ARHGEF28: variants seen among roughly 807,000 people sequenced by gnomAD.
The protein encoded by ARHGEF28 is Rho guanine nucleotide exchange factor 28.
A neutral mutation model predicts 206.6 loss-of-function variants in ARHGEF28; 152 were observed. That is an observed-to-expected ratio of 0.74 (90% confidence interval 0.64 to 0.84). The LOEUF is 0.84. Among genes scored for constraint, ARHGEF28 ranks in the 40% least tolerant of loss-of-function variants. The pLI is 0.00. For synonymous variants in ARHGEF28, 763 were observed against 776.4 expected (o/e 0.98, Z 0.29); for missense variants, 2,028 against 2,073.2 (o/e 0.98, Z 0.42).
At chr5:73,797,842 G>T (rs968090519) in intron 9 of ARHGEF28, among the ~76,000 whole-genome samples, 7 of 152,220 alleles carry the variant, frequency 4.6e-5, no homozygotes, top group Non-Finnish European at 5.9e-5. Context: ...GGCCTCATCA[G>T]TGACACAAGT....
In ARHGEF28 at chr5:73,690,525, C is replaced by CAAAAAAAAAA. The variant is rs71615796; in HGVS notation, c.33+5658_33+5667dup. 8.6e-5 allele frequency among the ~76,000 whole-genome samples: 2 copies of CAAAAAAAAAA among 23,356 alleles called. 1 individual carries two copies. The highest frequency in any genetic ancestry group is 1.9e-4 in the African/African-American group (2 of 10,378). The allele number at this position is 23,356 out of a possible 152,430, so 15.3% of individuals were successfully genotyped here. A position where few individuals can be genotyped will look rare whatever the true frequency, so the allele number is the denominator to read the frequency against. On this transcript the variant is annotated intron_variant, in intron 2 of 35. Transcript: ENST00000513042. ...TCAACATTGTAAGACTCTGTCTTTA[C>CAAAAAAAAAA]AAAAAAAAAAAAAAAAAAAAAAAAA...
intron 2 of ARHGEF28, among the ~76,000 whole-genome samples, chr5:73,705,717 G>A (rs1748888525): frequency 6.6e-6 from 1 of 152,156 alleles, no homozygotes; most frequent in South Asian, 2.1e-4. Context: ...ACTTGCTGTG[G>A]GCTAAGGGAA....
At chr5:73,888,472 A>T (rs1023103615) in intron 26 of ARHGEF28, among the ~76,000 whole-genome samples, 31 of 152,320 alleles carry the variant, frequency 2.0e-4, no homozygotes, top group African/African-American at 7.5e-4. Flanking sequence ...CCTGAGAAAT[A>T]AGTGGGAAGG....
At chr5:73,904,498 G>A in intron 33 of ARHGEF28, 93 bp downstream of exon 33, 1 of 1,301,794 alleles carries the variant, frequency 7.7e-7, no homozygotes, top group African/African-American at 1.5e-5. Context: ...GAGAACAAGT[G>A]AGAGGTAGGG....
In ARHGEF28 at chr5:73,795,327, C is replaced by T; in HGVS notation, c.964-4C>T. Reference sequence around the variant, plus strand: ...AAAAATCCACCTGACTTTATCTCTTCCAGCGTGTCAAAAGCCTGGTGGTTC... The same window carrying T: ...AAAAATCCACCTGACTTTATCTCTTTCAGCGTGTCAAAAGCCTGGTGGTTC... On this transcript the variant is annotated splice_polypyrimidine_tract_variant and splice_region_variant and intron_variant, in intron 8 of 35. Coordinates refer to ENST00000513042, the MANE Select transcript of ARHGEF28 (RefSeq NM_001177693.2). 2 of 1,613,526 alleles carry T rather than the reference C, an allele frequency of 1.2e-6. No homozygotes were observed. Among genetic ancestry groups the T allele is most frequent in the Non-Finnish European group, 1.7e-6 (2 of 1,179,648 alleles).
chr5:73,629,919 G>C (rs1329264227), intron 1 of ARHGEF28, among the ~76,000 whole-genome samples: 1 of 152,202 alleles, frequency 6.6e-6, no homozygotes, highest in Non-Finnish European at 1.5e-5. Context: ...CTTAAGAGCA[G>C]ATGAAAATGT....
At chr5:73,868,533 A>G (rs908808304) in intron 20 of ARHGEF28, among the ~76,000 whole-genome samples, 1 of 152,228 alleles carries the variant, frequency 6.6e-6, no homozygotes, top group Non-Finnish European at 1.5e-5. Context: ...AAAATGTTTT[A>G]TAGCTATTGA....
chr5:73,774,626 TA>T (rs1004459504), intron 5 of ARHGEF28, among the ~76,000 whole-genome samples: 6 of 152,178 alleles, frequency 3.9e-5, no homozygotes, highest in Admixed American at 3.3e-4. Flanking sequence ...GTAAAGGAAA[TA>T]ATTTGTAAAC....
Position 73,873,045 on chromosome 5 carries a change from G to A in ARHGEF28, c.2613G>A (p.Met871Ile). The change falls in exon 22 of 36, where the codon ATG becomes ATA. Residue 871 changes from methionine (M) to isoleucine (I), a missense_variant. By Grantham distance (10) the Met-to-Ile change is conservative. Coordinates refer to ENST00000513042, the MANE Select transcript of ARHGEF28 (RefSeq NM_001177693.2). ...ATCACATCCAGACCCTGTTCATCATGTCTGAGATCTTCAGGAAAGGCATGA... is the reference window on the plus strand; with the variant it reads ...ATCACATCCAGACCCTGTTCATCATATCTGAGATCTTCAGGAAAGGCATGA... ...EMHHIQTLFI[M>I]SEIFRKGMKE... 1.2e-6 allele frequency: 2 copies of A among 1,613,728 alleles called. No individual in the cohort carries two copies. Among genetic ancestry groups the A allele is most frequent in the Non-Finnish European group, 1.7e-6 (2 of 1,179,782 alleles).
chr5:73,886,845 A>T (rs1477389829), intron 25 of ARHGEF28, among the ~76,000 whole-genome samples: 1 of 152,206 alleles, frequency 6.6e-6, no homozygotes, highest in South Asian at 2.1e-4. Context: ...AAGTGAGACT[A>T]CTCTGCAGCC....
At chr5:73,739,952 G>C (rs1313205681) in intron 2 of ARHGEF28, among the ~76,000 whole-genome samples, 3 of 150,194 alleles carry the variant, frequency 2.0e-5, no homozygotes, top group Non-Finnish European at 4.4e-5. Context: ...GGGGTCATTT[G>C]AGGCCCAGGA....
At chr5:73,743,251 T>G (rs1751540906) in intron 2 of ARHGEF28, among the ~76,000 whole-genome samples, 1 of 152,220 alleles carries the variant, frequency 6.6e-6, no homozygotes, top group Admixed American at 6.5e-5. Flanking sequence ...TTGTTAGATA[T>G]GGAATTTTCT....
In ARHGEF28 at chr5:73,898,214, A is replaced by G. The variant is rs73762542; in HGVS notation, c.3973+121A>G. 8.9e-3 allele frequency: 11,095 copies of G among 1,245,724 alleles called. 744 individuals are homozygous for G. The African/African-American group carries it at 0.15, about 16-fold the overall frequency. The allele number at this position is 1,245,724 out of a possible 1,614,324, so 77.2% of individuals were successfully genotyped here. On this transcript the variant is annotated intron_variant, in intron 30 of 35. Transcript: ENST00000513042. ...AAGGGGACTTGATATATTTTTTTAAATTAGAAAAAAACTGAGAATAAATAT... is the reference window on the plus strand; with the variant it reads ...AAGGGGACTTGATATATTTTTTTAAGTTAGAAAAAAACTGAGAATAAATAT...
chr5:73,849,092 G>A lies in ARHGEF28; in HGVS notation c.1747+5G>A, dbSNP rs201972876. The A allele has an allele frequency of 2.3e-5, 36 of 1,540,028 alleles. No individual in the cohort carries two copies. The highest frequency in any genetic ancestry group is 3.1e-5 in the Non-Finnish European group (35 of 1,132,848). On this transcript the variant is annotated splice_donor_5th_base_variant and intron_variant, in intron 13 of 35. Coordinates refer to ENST00000513042, the MANE Select transcript of ARHGEF28 (RefSeq NM_001177693.2). ...CAGTATGCAGTTCAAGTGAAGGTAA[G>A]CATCATTTAACATTTGGCTTTGAAA...
chr5:73,795,424 G>C, intron 9 of ARHGEF28, 33 bp downstream of exon 9: 1 of 1,566,802 alleles, frequency 6.4e-7, no homozygotes, highest in Non-Finnish European at 8.8e-7. Context: ...ATACTCGTAG[G>C]GGCATCCCAG....
At chr5:73,896,083 CAATACTTACGGAA>C (rs1561493801) in intron 29 of ARHGEF28, among the ~76,000 whole-genome samples, 1 of 152,082 alleles carries the variant, frequency 6.6e-6, no homozygotes, top group African/African-American at 2.4e-5. Context: ...GAAAGACAGA[CAATACTTACGGAA>C]AAAAGAGAAC....
At chr5:73,655,325 G>A (rs920417315) in intron 1 of ARHGEF28, among the ~76,000 whole-genome samples, 2 of 117,064 alleles carry the variant, frequency 1.7e-5, no homozygotes, top group African/African-American at 5.4e-5. Context: ...CAGCTTCTTG[G>A]TAGTTTTTAA....
chr5:73,888,624 C>T (rs374372514), intron 26 of ARHGEF28, among the ~76,000 whole-genome samples: 15 of 152,154 alleles, frequency 9.9e-5, no homozygotes, highest in East Asian at 3.8e-4. Flanking sequence ...ATGATATTAC[C>T]GGACAGATGT....
rs900179299 is a variant in ARHGEF28 at position 73,873,166 on chromosome 5, A to G, written c.2734A>G (p.Lys912Glu). ...EIHRHFFYSM[K>E]ERRQESCAGS... ...CCACAGGCATTTCTTCTACAGTATG[A>G]AGGAACGAAGGCAGGAATCCTGTGC... Residue 912 changes from lysine (K) to glutamate (E), a missense_variant, in exon 22 of 36, where the codon AAG (lysine) becomes GAG (glutamate). By Grantham distance (56) the Lys-to-Glu change is moderately conservative (BLOSUM62 1). Around this residue, in one of 3 missense-constraint regions of ARHGEF28, gnomAD observed 223 missense variants for 289.9 expected, o/e 0.77. Coordinates refer to ENST00000513042, the MANE Select transcript of ARHGEF28 (RefSeq NM_001177693.2). The G allele has an allele frequency of 2.5e-5, 40 of 1,612,470 alleles. No homozygotes were observed. Among genetic ancestry groups the G allele is most frequent in the Non-Finnish European group, 3.4e-5 (40 of 1,179,262 alleles).
Sources: gnomAD v4.1 joint callset for allele counts (sites outside exome capture counted in the v4.1 genomes callset) on GRCh38, gnomAD v4.1.1 for gene constraint, gnomAD v4.1.1 regional missense constraint, MANE v1.5 for transcripts, NCBI Gene and HGNC (gene_info 2026-07-23, HGNC 2026-07-21) for gene names.